The following OSBPL10 variants were observed in gnomAD, a reference collection of about 807,000 sequenced individuals.
OSBPL10 encodes oxysterol-binding protein-related protein 10.
A neutral mutation model predicts 81.7 loss-of-function variants in OSBPL10; 49 were observed. The observed-to-expected ratio is 0.60, with a 90% CI of 0.48 to 0.76. The LOEUF is 0.76. Ranked by LOEUF, OSBPL10 falls within the 30% of genes least tolerant of loss-of-function variation. OSBPL10 has a pLI of 0.00. For synonymous variants in OSBPL10, 419 were observed against 383.6 expected (o/e 1.09, Z -1.08); for missense variants, 923 against 987.8 (o/e 0.93, Z 0.88).
At chr3:31,948,447 C>T (rs1697764938) in intron 1 of OSBPL10, among the ~76,000 whole-genome samples, 1 of 152,100 alleles carries the variant, frequency 6.6e-6, no homozygotes, top group African/African-American at 2.4e-5. Flanking sequence ...TTTATTGTTC[C>T]CTATTGCAAG....
chr3:31,990,233 T>C (rs758460517), intron 2 of OSBPL10: 21 of 1,613,936 alleles, frequency 1.3e-5, no homozygotes, highest in Non-Finnish European at 1.7e-6. Flanking sequence ...CAGTCAACAC[T>C]TATTCACCAT....
At chr3:31,825,379 T>TG (rs1363219356) in intron 4 of OSBPL10, among the ~76,000 whole-genome samples, 1 of 152,090 alleles carries the variant, frequency 6.6e-6, no homozygotes, top group Non-Finnish European at 1.5e-5. Flanking sequence ...TGGAGTGCAG[T>TG]GGGGCAATCG....
At chr3:31,682,289 C>G (rs1009713942) in intron 8 of OSBPL10, among the ~76,000 whole-genome samples, 1 of 152,182 alleles carries the variant, frequency 6.6e-6, no homozygotes, top group Non-Finnish European at 1.5e-5. Flanking sequence ...CTGGTACTCT[C>G]CAGCTCAAAA....
chr3:31,737,592 T>C (rs113362828), intron 5 of OSBPL10, among the ~76,000 whole-genome samples: 32 of 152,076 alleles, frequency 2.1e-4, no homozygotes, highest in African/African-American at 7.7e-4. Flanking sequence ...GAACAGGAAA[T>C]AGTGGAATCA....
At chr3:32,076,297 G>C (rs1441007057) in intron 1 of OSBPL10, among the ~76,000 whole-genome samples, 1 of 152,052 alleles carries the variant, frequency 6.6e-6, no homozygotes, top group African/African-American at 2.4e-5. Context: ...GAACCCAGGA[G>C]GCAGAGCTTG....
intron 3 of OSBPL10, among the ~76,000 whole-genome samples, chr3:31,839,838 G>C (rs1465655672): frequency 7.7e-6 from 1 of 129,392 alleles, no homozygotes; most frequent in Non-Finnish European, 1.7e-5. Context: ...AGGCAAGCCA[G>C]ATGCCTGGTA....
At position 31,729,764 on chromosome 3, in the gene OSBPL10, C is replaced by T. The variant is rs181771466; in HGVS notation, c.1095+3493G>A. Among the ~76,000 whole-genome samples, 28 of 152,248 alleles carry T rather than the reference C, an allele frequency of 1.8e-4. No individual in the cohort carries two copies. In the East Asian group the frequency reaches 4.4e-3, roughly 24 times the overall value. On this transcript the variant is annotated intron_variant, in intron 6 of 11. Transcript: ENST00000396556. ...TCAAGGTCACAACATTGTAGGTGGCCGTGATTCAGAGGTCAGGAAGCTGCT... is the reference window on the plus strand; with the variant it reads ...TCAAGGTCACAACATTGTAGGTGGCTGTGATTCAGAGGTCAGGAAGCTGCT...
At chr3:32,067,192 T>C (rs145944194) in intron 1 of OSBPL10, among the ~76,000 whole-genome samples, 2 of 152,252 alleles carry the variant, frequency 1.3e-5, no homozygotes, top group East Asian at 3.9e-4. Context: ...GACTAAAAGA[T>C]CTAAAACCCA....
chr3:32,026,065 AGATAG>A (rs1699407888), intron 2 of OSBPL10, among the ~76,000 whole-genome samples: 1 of 82,170 alleles, frequency 1.2e-5, no homozygotes, highest in East Asian at 4.5e-4. Flanking sequence ...GATGATAGAT[AGATAG>A]ATAGATAGAT....
chr3:31,712,567 G>T (rs1277369308), intron 6 of OSBPL10, among the ~76,000 whole-genome samples: 1 of 152,224 alleles, frequency 6.6e-6, no homozygotes, highest in South Asian at 2.1e-4. Flanking sequence ...GCAAGCCAAG[G>T]AATGTGGGCA....
chr3:31,688,334 GC>G (rs1277954598), intron 7 of OSBPL10, among the ~76,000 whole-genome samples: 3 of 130,924 alleles, frequency 2.3e-5, no homozygotes, highest in Non-Finnish European at 1.6e-5. Context: ...CCCTTTTTCT[GC>G]CCTTTCTCCT....
chr3:31,913,030 G>A (rs1054410383), intron 1 of OSBPL10, among the ~76,000 whole-genome samples: 2 of 151,972 alleles, frequency 1.3e-5, no homozygotes, highest in Non-Finnish European at 2.9e-5. Flanking sequence ...CCACACACCC[G>A]CATATATAAC....
chr3:32,027,276 G>A (rs148602980), intron 2 of OSBPL10, among the ~76,000 whole-genome samples: 164 of 152,196 alleles, frequency 1.1e-3, no homozygotes, highest in African/African-American at 3.7e-3. Flanking sequence ...GAGAACATGC[G>A]ATGTTTGGTT....
intron 1 of OSBPL10, among the ~76,000 whole-genome samples, chr3:31,968,663 A>C (rs1165007703): frequency 1.3e-5 from 2 of 152,238 alleles, no homozygotes; most frequent in Non-Finnish European, 2.9e-5. Flanking sequence ...TGAGAAAGAA[A>C]ACATGCCATT....
intron 2 of OSBPL10, among the ~76,000 whole-genome samples, chr3:32,040,506 G>C (rs1044734315): frequency 6.6e-6 from 1 of 151,834 alleles, no homozygotes; most frequent in Non-Finnish European, 1.5e-5. Context: ...AACCCAGGAG[G>C]TGGGTTCTTT....
chr3:32,025,922 G>A (rs767071005), intron 2 of OSBPL10, among the ~76,000 whole-genome samples: 1 of 152,094 alleles, frequency 6.6e-6, no homozygotes, highest in Non-Finnish European at 1.5e-5. Flanking sequence ...AGCCAGGGTT[G>A]TGTGGATGGC....
At chr3:31,752,597 T>C (rs1010022274) in intron 4 of OSBPL10, among the ~76,000 whole-genome samples, 1 of 152,104 alleles carries the variant, frequency 6.6e-6, no homozygotes, top group South Asian at 2.1e-4. Flanking sequence ...GTTAATAGCA[T>C]CAGTGGCTGC....
chr3:31,965,779 T>C (rs1383399605), intron 1 of OSBPL10, among the ~76,000 whole-genome samples: 1 of 75,670 alleles, frequency 1.3e-5, no homozygotes, highest in Non-Finnish European at 2.2e-5. Flanking sequence ...ATATATATTA[T>C]ATAAATAGAT....
intron 1 of OSBPL10, among the ~76,000 whole-genome samples, chr3:32,069,469 G>A (rs1429438986): frequency 6.6e-6 from 1 of 152,100 alleles, no homozygotes; most frequent in Non-Finnish European, 1.5e-5. Context: ...TGTTAATTAT[G>A]ACAAACTTAA....
Sources: allele counts gnomAD v4.1 joint callset (sites outside exome capture counted in the v4.1 genomes callset), GRCh38; gene constraint gnomAD v4.1.1; transcripts MANE v1.5; gene names NCBI Gene and HGNC (gene_info 2026-07-23, HGNC 2026-07-21).